NUTM1: variants seen among roughly 807,000 people sequenced by gnomAD.
The protein encoded by NUTM1 is NUT midline carcinoma family member 1.
Under a neutral mutation model 88.7 loss-of-function variants are expected in NUTM1, and 39 were observed. The observed-to-expected ratio is 0.44, with a 90% CI of 0.34 to 0.57. The LOEUF (loss-of-function observed/expected upper bound fraction) is 0.57, where lower values mean the gene tolerates loss of function less well. Ranked by LOEUF, NUTM1 falls within the 20% of genes least tolerant of loss-of-function variation. NUTM1 has a pLI of 0.01. For synonymous variants in NUTM1, 494 were observed against 538.0 expected (o/e 0.92, Z 1.13); for missense variants, 1,350 against 1,414.5 (o/e 0.95, Z 0.73).
chr15:34,344,882 G>A (rs1890558435), intron 1 of NUTM1, among the ~76,000 whole-genome samples: 1 of 152,126 alleles, frequency 6.6e-6, no homozygotes, highest in Non-Finnish European at 1.5e-5. Flanking sequence ...GCCGGGCATG[G>A]TGGTGGGTGC....
In NUTM1 at chr15:34,356,336, T is replaced by A. The variant is rs1439633323; in HGVS notation, c.2328T>A (p.Val776=). The A allele has an allele frequency of 6.2e-7, 1 of 1,613,746 alleles. No homozygotes were observed. The change falls in exon 8 of 8, where the codon GTT becomes GTA. Residue 776 remains valine, a synonymous_variant. Transcript: ENST00000537011. ...QIEEVIESFQ[V]EKCVTEYQEG... is the part of the protein sequence containing the mutation. The stretch of plus-strand genomic sequence containing the variant: ...AGGAGGTCATAGAGAGCTTCCAAGT[T>A]GAGAAGTGTGTAACTGAGTATCAGG...
chr15:34,353,618 G>C (rs1340819575), intron 4 of NUTM1, 118 bp from the exon 5 acceptor site: 2 of 1,223,554 alleles, frequency 1.6e-6, no homozygotes, highest in African/African-American at 1.5e-5. Context: ...ACATGACTTA[G>C]GCAGACTTTG....
At chr15:34,351,143 G>A (rs1380999511) in intron 4 of NUTM1, among the ~76,000 whole-genome samples, 2 of 145,790 alleles carry the variant, frequency 1.4e-5, no homozygotes, top group African/African-American at 2.5e-5. Flanking sequence ...CAGGAGAATC[G>A]TTTGAACCTG....
In NUTM1 at chr15:34,353,826, A is replaced by G. The variant is rs764537193; in HGVS notation, c.1029A>G (p.Lys343=). Residue 343 remains lysine, a synonymous_variant, in exon 5 of 8, where the codon AAA becomes AAG. Transcript: ENST00000537011. ...GCCTGTCTCCTGCAACCCCTTTGAA[A>G]CTTGATCCTCTAGGGCCCCTGGCCT... ...SQGLSPATPL[K]LDPLGPLASE... 18 of 1,613,962 alleles carry G rather than the reference A, an allele frequency of 1.1e-5. No homozygotes were observed. The South Asian group carries it at 2.0e-4, about 18-fold the overall frequency.
At position 34,355,675 on chromosome 15, in the gene NUTM1, C is replaced by T; in HGVS notation, c.1667C>T (p.Ser556Phe). The T allele has an allele frequency of 6.2e-7, 1 of 1,608,642 alleles. No homozygotes were observed. Among genetic ancestry groups the T allele is most frequent in the Non-Finnish European group, 8.5e-7 (1 of 1,177,096 alleles). ...GCCGCTTGCCTTGGAAAGGTTTCTT[C>T]TTCAGGAAAACGGGCAAGAGAAGTG... Reference protein sequence around the residue: ...GGAACLGKVSSSGKRAREVHG... With the variant: ...GGAACLGKVSFSGKRAREVHG... The change falls in exon 8 of 8, where the codon TCT becomes TTT. Residue 556 changes from serine (S) to phenylalanine (F), a missense_variant. Ser to Phe is a radical substitution (Grantham distance 155). Transcript: ENST00000537011. This position sits in a 1 kb window ranked among gnomAD's most constrained non-coding sequence, Gnocchi z 4.3.
Position 34,356,487 on chromosome 15 carries a change from A to G in NUTM1, c.2479A>G (p.Lys827Glu). 6.2e-7 allele frequency: 1 copy of G among 1,613,940 alleles called. No homozygotes were observed. Among genetic ancestry groups the G allele is most frequent in the Non-Finnish European group, 8.5e-7 (1 of 1,179,918 alleles). The part of the protein sequence containing the change: ...GGTVAAAALE[K>E]RNYCSLPGPL... The stretch of plus-strand genomic sequence containing the variant: ...CACAGTTGCGGCAGCTGCCCTAGAA[A>G]AGAGAAACTATTGCAGCTTGCCAGG... The change falls in exon 8 of 8, where the codon AAG (lysine) becomes GAG (glutamate). Residue 827 changes from lysine (K) to glutamate (E), a missense_variant. Lys to Glu is a moderately conservative substitution (Grantham distance 56, BLOSUM62 1). Transcript: ENST00000537011.
In NUTM1 at chr15:34,347,990, A is replaced by G; in HGVS notation, c.122A>G (p.Asp41Gly). The G allele has an allele frequency of 1.9e-6, 3 of 1,612,216 alleles. No homozygotes were observed. Among genetic ancestry groups the G allele is most frequent in the Non-Finnish European group, 2.5e-6 (3 of 1,178,712 alleles). The change falls in exon 3 of 8, where the codon GAT becomes GGT. Residue 41 changes from aspartate to glycine, a missense_variant. By Grantham distance (94) the Asp-to-Gly change is moderately conservative. Transcript: ENST00000537011. ...SDGASALPGP[D>G]MSMKPSAAPS... is the part of the protein sequence containing the mutation. The stretch of plus-strand genomic sequence containing the variant: ...ACAGCATCTGCATTGCCGGGACCGG[A>G]TATGAGCATGAAACCTAGTGCCGCC...
intron 3 of NUTM1, 122 bp from the exon 4 acceptor site, chr15:34,350,582 G>A: frequency 4.2e-6 from 5 of 1,185,872 alleles, no homozygotes; most frequent in South Asian, 1.7e-5. Flanking sequence ...AGTGGGACAC[G>A]ACAGGCCCTA....
rs10671676 is a variant in NUTM1, at chr15:34,346,881, TAAAAAAAAAA to T, written c.100+863_100+872del. Among the ~76,000 whole-genome samples, 19 of 34,324 alleles carry T rather than the reference TAAAAAAAAAA, an allele frequency of 5.5e-4. 2 individuals carry two copies. The South Asian group carries it at 0.028, about 51-fold the overall frequency. 22.5% of individuals were successfully genotyped at this position (34,324 alleles called of 152,430 possible). On this transcript the variant is annotated intron_variant, in intron 2 of 7. Coordinates refer to ENST00000537011, the MANE Select transcript of NUTM1 (RefSeq NM_001284292.2). ...ATGGGCCACAGAGCAAGACTCCATC[TAAAAAAAAAA>T]AAAAAAAAAAAAAAAAGCAGCACTT...
intron 4 of NUTM1, among the ~76,000 whole-genome samples, chr15:34,352,706 T>C (rs1202088833): frequency 1.3e-5 from 2 of 148,298 alleles, no homozygotes; most frequent in African/African-American, 5.0e-5. Flanking sequence ...CTCAGGAGAC[T>C]GAGGCAGGAG....
rs1171358765 is a variant in NUTM1 at position 34,348,480 on chromosome 15, A to G, written c.612A>G (p.Glu204=). The change falls in exon 3 of 8, where the codon GAA becomes GAG. Residue 204 remains glutamate (E), a synonymous_variant. Transcript: ENST00000537011. The part of the protein sequence containing the change: ...VAQLVPIVPL[E]KAWPGPHGTT... ...AACTGGTCCCCATTGTGCCCCTGGAAAAAGCTTGGCCAGGGCCACATGGGA... is the reference window on the plus strand; with the variant it reads ...AACTGGTCCCCATTGTGCCCCTGGAGAAAGCTTGGCCAGGGCCACATGGGA... 1.2e-6 allele frequency: 2 copies of G among 1,614,040 alleles called. No homozygotes were observed. The highest frequency in any genetic ancestry group is 1.7e-6 in the Non-Finnish European group (2 of 1,179,992).
In NUTM1 at chr15:34,356,636, T is replaced by G; in HGVS notation, c.2628T>G (p.Asp876Glu). ...EGCFPLLESGDSTLGSSKETL... is the reference protein window; with the variant it reads ...EGCFPLLESGESTLGSSKETL... ...GCTTCCCATTGCTAGAAAGTGGTGA[T>G]TCCACACTGGGGTCTTCCAAAGAAA... Residue 876 changes from aspartate to glutamate, a missense_variant, in exon 8 of 8, where the codon GAT becomes GAG. Coordinates refer to ENST00000537011, the MANE Select transcript of NUTM1 (RefSeq NM_001284292.2). The G allele has an allele frequency of 6.2e-7, 1 of 1,613,922 alleles. No individual in the cohort carries two copies. The highest frequency in any genetic ancestry group is 8.5e-7 in the Non-Finnish European group (1 of 1,179,962).
rs1890826978 is a variant in NUTM1 at position 34,356,945 on chromosome 15, G to T, written c.2937G>T (p.Glu979Asp). The T allele has an allele frequency of 6.2e-7, 1 of 1,613,752 alleles. No homozygotes were observed. The highest frequency in any genetic ancestry group is 1.1e-5 in the South Asian group (1 of 91,070). ...CTAAAAACCTTGCTCCTTTACAAGA[G>T]AGTCAGGAGTCTTACACAACTGGGA... Reference protein sequence around the residue: ...SKPKNLAPLQESQESYTTGTP... With the variant: ...SKPKNLAPLQDSQESYTTGTP... Residue 979 changes from glutamate to aspartate, a missense_variant, in exon 8 of 8, where the codon GAG becomes GAT. By Grantham distance (45) the Glu-to-Asp change is conservative (BLOSUM62 2). Coordinates refer to ENST00000537011, the MANE Select transcript of NUTM1 (RefSeq NM_001284292.2).
chr15:34,347,008 T>C (rs1244369240), intron 2 of NUTM1, among the ~76,000 whole-genome samples: 1 of 151,244 alleles, frequency 6.6e-6, no homozygotes, highest in Non-Finnish European at 1.5e-5. Flanking sequence ...ATGCAGTCAT[T>C]CTCAACGAGA....
chr15:34,349,951 G>T (rs994154017), intron 3 of NUTM1, among the ~76,000 whole-genome samples: 13 of 152,268 alleles, frequency 8.5e-5, no homozygotes, highest in Admixed American at 2.0e-4. Context: ...CTCTGGGCAG[G>T]GTCTTCCACA....
At chr15:34,350,471 T>C (rs1890684206) in intron 3 of NUTM1, among the ~76,000 whole-genome samples, 1 of 152,136 alleles carries the variant, frequency 6.6e-6, no homozygotes, top group Admixed American at 6.5e-5. Flanking sequence ...GGGAGAAGAA[T>C]TGTCTGTTTG....
In NUTM1 at chr15:34,357,063, A is replaced by G; in HGVS notation, c.3055A>G (p.Ser1019Gly). ...NAIVPRETSVSKTHRSADRAK... is the reference protein window; with the variant it reads ...NAIVPRETSVGKTHRSADRAK... Reference sequence around the variant, plus strand: ...CATAGTTCCGAGAGAAACTTCTGTTAGTAAAACACACAGGTCAGCAGACAG... The same window carrying G: ...CATAGTTCCGAGAGAAACTTCTGTTGGTAAAACACACAGGTCAGCAGACAG... The change falls in exon 8 of 8, where the codon AGT (serine) becomes GGT (glycine). Residue 1019 changes from serine to glycine, a missense_variant. By Grantham distance (56) the Ser-to-Gly change is moderately conservative. Transcript: ENST00000537011. 1 of 1,614,138 alleles carries G rather than the reference A, an allele frequency of 6.2e-7. No homozygotes were observed. The highest frequency in any genetic ancestry group is 8.5e-7 in the Non-Finnish European group (1 of 1,180,024).
intron 5 of NUTM1, 63 bp from the exon 6 acceptor site, chr15:34,354,383 G>T: frequency 6.5e-7 from 1 of 1,532,660 alleles, no homozygotes; most frequent in East Asian, 2.2e-5. Flanking sequence ...TGTACATTCC[G>T]AAGGAGGCAG....
At chr15:34,347,058 G>A (rs1890605876) in intron 2 of NUTM1, among the ~76,000 whole-genome samples, 1 of 151,856 alleles carries the variant, frequency 6.6e-6, no homozygotes, top group African/African-American at 2.4e-5. Flanking sequence ...TGCAAACTAT[G>A]CAAGTTCCCC....
Sources: allele counts gnomAD v4.1 joint callset (sites outside exome capture counted in the v4.1 genomes callset), GRCh38; gene constraint gnomAD v4.1.1; non-coding constraint Gnocchi (gnomAD v3.1); transcripts MANE v1.5; gene names NCBI Gene and HGNC (gene_info 2026-07-23, HGNC 2026-07-21).